PTBP3: variants seen among roughly 807,000 people sequenced by gnomAD.
PTBP3 encodes the protein polypyrimidine tract-binding protein 3.
In PTBP3, 20 loss-of-function variants were observed where a neutral mutation model predicts 58.7. That is an observed-to-expected ratio of 0.34 (90% CI 0.24 to 0.50). The LOEUF is 0.50. Ranked by LOEUF, PTBP3 falls within the 20% of genes least tolerant of loss-of-function variation. The pLI, the probability that PTBP3 is intolerant of heterozygous loss-of-function variation, is 0.98. For missense variants in PTBP3, 509 were observed against 637.2 expected (o/e 0.80, Z 2.17); for synonymous variants, 185 against 219.8 (o/e 0.84, Z 1.40).
At chr9:112,294,565 A>T (rs953141851) in intron 2 of PTBP3, among the ~76,000 whole-genome samples, 1 of 152,228 alleles carries the variant, frequency 6.6e-6, no homozygotes, top group Non-Finnish European at 1.5e-5. Flanking sequence ...TTATATTAAA[A>T]GATTAAATAA....
the PTBP3 span, among the ~76,000 whole-genome samples, chr9:112,356,874 C>CTT: frequency 0.016 from 1,438 of 91,516 alleles, 250 homozygotes; most frequent in Middle Eastern, 0.048. Flanking sequence ...TCATTTCCCT[C>CTT]TTTTTTTTTT....
chr9:112,353,791 G>C, the PTBP3 span, among the ~76,000 whole-genome samples: 10 of 151,520 alleles, frequency 6.6e-5, no homozygotes, highest in African/African-American at 2.4e-4. Context: ...CCCCATCTCT[G>C]CCAAAAATAC....
chr9:112,295,482 T>C (rs1022780564), intron 2 of PTBP3, among the ~76,000 whole-genome samples: 4 of 151,400 alleles, frequency 2.6e-5, no homozygotes, highest in African/African-American at 9.7e-5. Context: ...CATATTACAC[T>C]TCCACTTATA....
intron 1 of PTBP3, among the ~76,000 whole-genome samples, chr9:112,313,881 T>C (rs1349332355): frequency 6.6e-6 from 1 of 152,166 alleles, no homozygotes; most frequent in Admixed American, 6.5e-5. Flanking sequence ...CAGCTCTCCA[T>C]ACCGATGAAT....
At position 112,333,454 on chromosome 9, in the gene PTBP3, G is replaced by C. The variant is rs769768119; in HGVS notation, c.-52+16C>G. ...CAAGGCAACCCGGTGCGGCCGCCGC[G>C]CCGCCTAGTACTTACCCATCCATGG... On this transcript the variant is annotated intron_variant, in intron 1 of 13. Coordinates refer to ENST00000374257, the MANE Select transcript of PTBP3 (RefSeq NM_001163788.4). 2.5e-6 allele frequency: 4 copies of C among 1,574,072 alleles called. No individual in the cohort carries two copies. The highest frequency in any genetic ancestry group is 3.4e-6 in the Non-Finnish European group (4 of 1,160,930).
upstream of PTBP3, among the ~76,000 whole-genome samples, chr9:112,335,430 C>T (rs1490869272): frequency 4.0e-5 from 6 of 151,506 alleles, no homozygotes; most frequent in Admixed American, 6.6e-5. Flanking sequence ...CGATTACAGG[C>T]GCCCGCCACC....
At chr9:112,265,944 CAT>C (rs1836782903) in intron 4 of PTBP3, among the ~76,000 whole-genome samples, 1 of 152,028 alleles carries the variant, frequency 6.6e-6, no homozygotes, top group South Asian at 2.1e-4. Flanking sequence ...TAGAAGAAAA[CAT>C]ATGTAGATTC....
At chr9:112,361,399 T>C in the PTBP3 span, among the ~76,000 whole-genome samples, 1 of 152,162 alleles carries the variant, frequency 6.6e-6, no homozygotes, top group African/African-American at 2.4e-5. Flanking sequence ...GCACCCAGCC[T>C]AAACTTCATA....
At chr9:112,234,725 T>TA in intron 8 of PTBP3, 95 bp downstream of exon 8, 2 of 1,201,638 alleles carry the variant, frequency 1.7e-6, no homozygotes, top group South Asian at 2.6e-5. Context: ...TTATGGTAAA[T>TA]TCTTCAAATA....
At position 112,327,179 on chromosome 9, in the gene PTBP3, G is replaced by A. The variant is rs1409305810; in HGVS notation, c.-52+6291C>T. On this transcript the variant is annotated intron_variant, in intron 1 of 13. Coordinates refer to ENST00000374257, the MANE Select transcript of PTBP3 (RefSeq NM_001163788.4). Reference sequence around the variant, plus strand: ...TGATTGTGCCACTGTACTCCAGCCCGGGCAATGACAGAGGTAGAGCCTGCC... The same window carrying A: ...TGATTGTGCCACTGTACTCCAGCCCAGGCAATGACAGAGGTAGAGCCTGCC... Among the ~76,000 whole-genome samples, 11 of 151,878 alleles carry A rather than the reference G, an allele frequency of 7.2e-5. No individual in the cohort carries two copies. The South Asian group carries it at 1.7e-3, about 23-fold the overall frequency.
chr9:112,341,493 G>GGTGT, the PTBP3 span, among the ~76,000 whole-genome samples: 1 of 151,188 alleles, frequency 6.6e-6, no homozygotes, highest in African/African-American at 2.4e-5. Context: ...TTTTTCGTTG[G>GGTGT]GTGTGTGTGT....
chr9:112,371,879 A>G, the PTBP3 span, among the ~76,000 whole-genome samples: 1 of 152,002 alleles, frequency 6.6e-6, no homozygotes, highest in Non-Finnish European at 1.5e-5. Flanking sequence ...GATCACAGGC[A>G]TGCACCACCA....
the PTBP3 span, among the ~76,000 whole-genome samples, chr9:112,344,834 T>C: frequency 6.6e-6 from 1 of 152,134 alleles, no homozygotes; most frequent in African/African-American, 2.4e-5. Context: ...AATTAGATAA[T>C]ATTATTTAAA....
chr9:112,223,745 G>GAC lies in PTBP3; in HGVS notation c.*105_*106insGT. 3.0e-6 allele frequency: 3 copies of GAC among 1,016,154 alleles called. No homozygotes were observed. In the South Asian group the frequency reaches 4.8e-5, roughly 16 times the overall value. The allele number at this position is 1,016,154 out of a possible 1,614,324, so 62.9% of individuals were successfully genotyped here. On this transcript the variant is annotated 3_prime_UTR_variant, in exon 14 of 14. Coordinates refer to ENST00000374257, the MANE Select transcript of PTBP3 (RefSeq NM_001163788.4). ...AATATACTTGAATATCAAACTCAGA[G>GAC]TTATTTTTGTGAAAGAGGCAAAATT...
At chr9:112,241,941 T>C (rs1442090974) in intron 7 of PTBP3, among the ~76,000 whole-genome samples, 1 of 152,220 alleles carries the variant, frequency 6.6e-6, no homozygotes, top group African/African-American at 2.4e-5. Context: ...TTGTTCAGCA[T>C]AATCCCTTTG....
downstream of PTBP3, chr9:112,217,930 G>A (rs1035381631): frequency 1.3e-5 from 2 of 152,214 alleles, no homozygotes; most frequent in African/African-American, 4.8e-5. Context: ...TAAGGAAAAG[G>A]AATGTAGCAT....
At chr9:112,277,594 C>T (rs1235197417) in intron 2 of PTBP3, among the ~76,000 whole-genome samples, 2 of 151,982 alleles carry the variant, frequency 1.3e-5, no homozygotes, top group Non-Finnish European at 2.9e-5. Flanking sequence ...CAGTGATTCA[C>T]GCCTGTAATC....
the PTBP3 span, among the ~76,000 whole-genome samples, chr9:112,356,226 G>A: frequency 1.3e-5 from 2 of 152,032 alleles, no homozygotes; most frequent in East Asian, 1.9e-4. Flanking sequence ...TGATCCACCC[G>A]CCTCGGCGTC....
chr9:112,303,609 T>C (rs574735306), intron 1 of PTBP3, among the ~76,000 whole-genome samples: 102 of 152,298 alleles, frequency 6.7e-4, no homozygotes, highest in Non-Finnish European at 1.2e-3. Flanking sequence ...CTCACGCCTG[T>C]AATCCCAGCA....
Sources: gnomAD v4.1 joint callset for allele counts (sites outside exome capture counted in the v4.1 genomes callset) on GRCh38, gnomAD v4.1.1 for gene constraint, MANE v1.5 for transcripts, NCBI Gene and HGNC (gene_info 2026-07-23, HGNC 2026-07-21) for gene names.